HS6ST2: variants seen among roughly 807,000 people sequenced by gnomAD.
HS6ST2 encodes heparan sulfate 6-O-sulfotransferase 2.
Under a neutral mutation model 33.0 loss-of-function variants are expected in HS6ST2, and 17 were observed. That is an observed-to-expected ratio of 0.52 (90% CI 0.35 to 0.77). HS6ST2 has a LOEUF of 0.77. Among genes scored for constraint, HS6ST2 ranks in the 30% least tolerant of loss-of-function variants. The pLI, the probability that HS6ST2 is intolerant of heterozygous loss-of-function variation, is 0.01. For synonymous variants in HS6ST2, 248 were observed against 237.1 expected, an observed-to-expected ratio of 1.05 and a Z score of -0.42; for missense variants, 519 against 551.7, an observed-to-expected ratio of 0.94 and a Z score of 0.59.
chrX:132,768,212 C>T (rs1341505996), intron 2 of HS6ST2, among the ~76,000 whole-genome samples: 3 of 108,239 alleles, frequency 2.8e-5, no homozygotes, highest in Non-Finnish European at 5.7e-5. Flanking sequence ...TGGTGGACAC[C>T]TTTAGTCCCA....
chrX:132,798,831 G>A (rs1455037902), intron 2 of HS6ST2, among the ~76,000 whole-genome samples: 1 of 111,453 alleles, frequency 9.0e-6, no homozygotes. Context: ...AGGGGACAGA[G>A]TTACATACCT....
At chrX:132,811,685 A>AATTATATAT (rs1556452318) in intron 2 of HS6ST2, among the ~76,000 whole-genome samples, 10 of 29,812 alleles carry the variant, frequency 3.4e-4, no homozygotes, top group Admixed American at 5.4e-4. Context: ...AAGGCTGAAT[A>AATTATATAT]ATATATATAT....
chrX:132,843,886 C>T (rs2065727552), intron 2 of HS6ST2, among the ~76,000 whole-genome samples: 1 of 111,570 alleles, frequency 9.0e-6, no homozygotes, highest in South Asian at 3.8e-4. Flanking sequence ...AAATTGTGTC[C>T]TTATATTCAA....
chrX:132,881,366 T>C (rs1300124822), intron 2 of HS6ST2, among the ~76,000 whole-genome samples: 1 of 111,991 alleles, frequency 8.9e-6, no homozygotes, highest in Non-Finnish European at 1.9e-5. Flanking sequence ...TTTGCATTTC[T>C]CTGATGGCCA....
chrX:132,770,216 G>A (rs754589123), intron 2 of HS6ST2, among the ~76,000 whole-genome samples: 25 of 111,655 alleles, frequency 2.2e-4, no homozygotes, highest in Admixed American at 6.7e-4. Flanking sequence ...TTTTACACAT[G>A]AGAAAACAGA....
intron 2 of HS6ST2, among the ~76,000 whole-genome samples, chrX:132,729,776 A>C (rs1185240087): frequency 8.9e-6 from 1 of 111,778 alleles, no homozygotes; most frequent in Non-Finnish European, 1.9e-5. Context: ...TCTCAGTTTT[A>C]AATTCTAATG....
intron 2 of HS6ST2, among the ~76,000 whole-genome samples, chrX:132,835,201 C>T (rs1006470860): frequency 1.8e-5 from 2 of 111,596 alleles, no homozygotes; most frequent in Admixed American, 9.5e-5. Flanking sequence ...TCCTGGGATG[C>T]GCTGACACTT....
At chrX:132,733,369 C>A (rs1358546736) in intron 2 of HS6ST2, among the ~76,000 whole-genome samples, 1 of 108,974 alleles carries the variant, frequency 9.2e-6, no homozygotes, top group East Asian at 2.8e-4. Flanking sequence ...TAGTATGATA[C>A]TATTCCCCCT....
intron 2 of HS6ST2, among the ~76,000 whole-genome samples, chrX:132,841,909 G>A (rs764214156): frequency 8.9e-6 from 1 of 111,966 alleles, no homozygotes; most frequent in South Asian, 3.8e-4. Flanking sequence ...TGCCCATCAG[G>A]TGAAGATCAA....
chrX:132,833,623 C>G (rs2065612255), intron 2 of HS6ST2, among the ~76,000 whole-genome samples: 1 of 111,011 alleles, frequency 9.0e-6, no homozygotes, highest in Non-Finnish European at 1.9e-5. Context: ...AAATCTAGTC[C>G]CCACTTGGGG....
At chrX:132,711,365 G>C (rs762406546) in intron 2 of HS6ST2, among the ~76,000 whole-genome samples, 2 of 111,075 alleles carry the variant, frequency 1.8e-5, no homozygotes, top group Non-Finnish European at 3.8e-5. Flanking sequence ...TCCAAATTAA[G>C]ACTTGGAAAA....
At chrX:132,757,061 TA>T (rs2064762861) in intron 2 of HS6ST2, among the ~76,000 whole-genome samples, 1 of 111,606 alleles carries the variant, frequency 9.0e-6, no homozygotes, top group Admixed American at 9.5e-5. Context: ...GTAAAAGACA[TA>T]GATGTGTAAT....
intron 3 of HS6ST2, among the ~76,000 whole-genome samples, chrX:132,705,188 C>CGT (rs59172290): frequency 0.011 from 1,094 of 103,250 alleles, 16 homozygotes; most frequent in African/African-American, 0.036. Context: ...TGTGGGCACG[C>CGT]GTGTGTGTGT....
At chrX:132,939,137 A>C (rs1420275308) in intron 2 of HS6ST2, among the ~76,000 whole-genome samples, 2 of 111,216 alleles carry the variant, frequency 1.8e-5, no homozygotes, top group Non-Finnish European at 3.8e-5. Context: ...TTCATGAGAG[A>C]TCTGCTCCCA....
rs953219641 is a variant in HS6ST2 at position 132,870,344 on chromosome X, G to A, written c.947+86464C>T. On this transcript the variant is annotated intron_variant, in intron 2 of 4. Transcript: ENST00000370833. ...TATCATGAAAATGGCCATACTGCCC[G>A]AAGTAATTTATAGATTCAATGCTAT... Among the ~76,000 whole-genome samples the A allele has an allele frequency of 1.8e-4, 20 of 111,346 alleles. 2 individuals are homozygous for A. Among genetic ancestry groups the A allele is most frequent in the Non-Finnish European group, 1.3e-4 (7 of 52,949 alleles).
At chrX:132,675,282 A>T (rs1165402928) in intron 3 of HS6ST2, among the ~76,000 whole-genome samples, 1 of 111,041 alleles carries the variant, frequency 9.0e-6, no homozygotes, top group African/African-American at 3.3e-5. Context: ...TGAGATAAAC[A>T]GTGAGGCCTG....
At chrX:132,837,583 G>A (rs1206738630) in intron 2 of HS6ST2, among the ~76,000 whole-genome samples, 1 of 111,685 alleles carries the variant, frequency 9.0e-6, no homozygotes, top group Non-Finnish European at 1.9e-5. Flanking sequence ...AACCCTGTGT[G>A]GCAGGTTCCT....
chrX:132,782,839 T>A (rs915945321), intron 2 of HS6ST2, among the ~76,000 whole-genome samples: 3 of 111,125 alleles, frequency 2.7e-5, no homozygotes, highest in African/African-American at 9.8e-5. Context: ...CTGATTAGGG[T>A]TGGGTTTGAT....
chrX:132,655,756 TAA>T (rs1471583938), intron 4 of HS6ST2, among the ~76,000 whole-genome samples: 1 of 111,281 alleles, frequency 9.0e-6, no homozygotes. Context: ...GAATATAATA[TAA>T]AGAGACAATT....
Sources: gnomAD v4.1 joint callset for allele counts (sites outside exome capture counted in the v4.1 genomes callset) on GRCh38, gnomAD v4.1.1 for gene constraint, MANE v1.5 for transcripts, NCBI Gene and HGNC (gene_info 2026-07-23, HGNC 2026-07-21) for gene names.